Variants in NRXN1 observed in about 807,000 individuals in gnomAD.
NRXN1 encodes the protein neurexin-1.
Under a neutral mutation model 150.9 loss-of-function variants are expected in NRXN1, and 39 were observed. The ratio of observed to expected loss-of-function variants is 0.26; its 90% CI spans 0.20 to 0.34. The LOEUF (loss-of-function observed/expected upper bound fraction) is 0.34, where lower values mean the gene tolerates loss of function less well. NRXN1 is among the 10% of genes least tolerant of loss of function. The pLI is 1.00. For synonymous variants in NRXN1, 924 were observed against 757.0 expected (o/e 1.22, Z -3.62); for missense variants, 1,815 against 1,949.9 (o/e 0.93, Z 1.30).
intron 5 of NRXN1, among the ~76,000 whole-genome samples, chr2:50,813,665 T>G (rs1456253977): frequency 6.6e-6 from 1 of 152,178 alleles, no homozygotes; most frequent in East Asian, 1.9e-4. Flanking sequence ...CAGCTAGATA[T>G]GTTAAAGTAC....
At chr2:50,638,017 CT>C (rs1372462475) in intron 5 of NRXN1, among the ~76,000 whole-genome samples, 1 of 152,014 alleles carries the variant, frequency 6.6e-6, no homozygotes, top group Non-Finnish European at 1.5e-5. Context: ...AATTGTGCAT[CT>C]TTATCAGAGA....
intron 5 of NRXN1, among the ~76,000 whole-genome samples, chr2:50,784,120 G>T (rs563045004): frequency 6.6e-6 from 1 of 151,936 alleles, no homozygotes; most frequent in East Asian, 1.9e-4. Context: ...TGTATGGGTG[G>T]GTATGTATGT....
Position 50,398,564 on chromosome 2 carries a change from T to C in NRXN1, c.3364+66878A>G, listed in dbSNP as rs528014445. Among the ~76,000 whole-genome samples, 19 of 152,268 alleles carry C rather than the reference T, an allele frequency of 1.2e-4. No homozygotes were observed. In the East Asian group the frequency reaches 3.7e-3, roughly 29 times the overall value. On this transcript the variant is annotated intron_variant, in intron 17 of 22. Transcript: ENST00000401669. ...AAACAGATGCATCTTTGTGGAAATG[T>C]AAATAATTTATTATAGCAGATAAAA... is the stretch of plus-strand genomic sequence containing the variant.
At chr2:49,998,194 ACTC>A (rs899292055) in intron 21 of NRXN1, among the ~76,000 whole-genome samples, 2 of 152,110 alleles carry the variant, frequency 1.3e-5, no homozygotes, top group African/African-American at 4.8e-5. Flanking sequence ...CCTGCTCTAA[ACTC>A]TGAAAAGATG....
intron 17 of NRXN1, among the ~76,000 whole-genome samples, chr2:50,315,462 C>T (rs1452803912): frequency 6.6e-6 from 1 of 152,102 alleles, no homozygotes; most frequent in Non-Finnish European, 1.5e-5. Flanking sequence ...TTCAATCATG[C>T]TCTTTGCTCA....
chr2:50,255,980 A>G (rs2067662471), intron 17 of NRXN1, among the ~76,000 whole-genome samples: 1 of 152,168 alleles, frequency 6.6e-6, no homozygotes, highest in South Asian at 2.1e-4. Flanking sequence ...ACTTTTGGGT[A>G]GATGCTATTG....
At chr2:50,787,712 TA>T (rs77473564) in intron 5 of NRXN1, among the ~76,000 whole-genome samples, 30,171 of 143,978 alleles carry the variant, frequency 0.21, 5,342 homozygotes, top group African/African-American at 0.47. Context: ...AAACATGTAT[TA>T]AAAAAAAAAA....
chr2:50,849,247 C>G (rs1674146899), intron 5 of NRXN1, among the ~76,000 whole-genome samples: 1 of 152,186 alleles, frequency 6.6e-6, no homozygotes, highest in Admixed American at 6.5e-5. Context: ...TTGTTACTGA[C>G]CACAGGCCCT....
At chr2:50,143,417 G>C (rs371903694) in intron 18 of NRXN1, among the ~76,000 whole-genome samples, 13 of 151,982 alleles carry the variant, frequency 8.6e-5, no homozygotes, top group African/African-American at 3.1e-4. Context: ...TCATGCTATC[G>C]AGGGAATTTA....
intron 17 of NRXN1, among the ~76,000 whole-genome samples, chr2:50,343,304 C>T (rs2152994485): frequency 6.6e-6 from 1 of 152,286 alleles, no homozygotes; most frequent in South Asian, 2.1e-4. Flanking sequence ...ATTTCACTGA[C>T]ATCATTCCAT....
At chr2:50,834,908 C>G (rs571160646) in intron 5 of NRXN1, among the ~76,000 whole-genome samples, 1 of 152,134 alleles carries the variant, frequency 6.6e-6, no homozygotes, top group African/African-American at 2.4e-5. Context: ...AGCTTTAACA[C>G]TTGAATGCAG....
At chr2:50,444,987 C>A (rs533373484) in intron 17 of NRXN1, among the ~76,000 whole-genome samples, 7 of 152,132 alleles carry the variant, frequency 4.6e-5, no homozygotes, top group Non-Finnish European at 8.8e-5. Context: ...CTCATCTCAG[C>A]ATTTATAATT....
At chr2:50,008,927 A>C (rs928450568) in intron 21 of NRXN1, among the ~76,000 whole-genome samples, 2 of 152,132 alleles carry the variant, frequency 1.3e-5, no homozygotes, top group African/African-American at 4.8e-5. Flanking sequence ...TTAATTACAA[A>C]GTTTTTAAGA....
At chr2:50,329,683 T>C (rs1252959757) in intron 17 of NRXN1, among the ~76,000 whole-genome samples, 3 of 91,470 alleles carry the variant, frequency 3.3e-5, no homozygotes, top group South Asian at 4.3e-4. Flanking sequence ...ATTTTTTTTT[T>C]TCCCCCCCGA....
At chr2:50,166,121 A>T (rs1035432598) in intron 18 of NRXN1, among the ~76,000 whole-genome samples, 1 of 152,146 alleles carries the variant, frequency 6.6e-6, no homozygotes, top group African/African-American at 2.4e-5. Context: ...CCAATATGAC[A>T]CTCAAAAGAA....
At chr2:50,958,519 G>A (rs972936854) in intron 2 of NRXN1, among the ~76,000 whole-genome samples, 2 of 151,760 alleles carry the variant, frequency 1.3e-5, no homozygotes, top group African/African-American at 4.8e-5. Flanking sequence ...AGTATTTATT[G>A]ATATTTTTAT....
intron 8 of NRXN1, among the ~76,000 whole-genome samples, chr2:50,612,511 T>C (rs933051643): frequency 1.3e-5 from 2 of 152,212 alleles, no homozygotes; most frequent in African/African-American, 2.4e-5. Flanking sequence ...CCCAGGCACA[T>C]GCCTCTTGGG....
chr2:50,664,394 A>AGCGTGTGTGTGTGT, intron 5 of NRXN1, among the ~76,000 whole-genome samples: 1 of 107,194 alleles, frequency 9.3e-6, no homozygotes, highest in East Asian at 3.4e-4. Flanking sequence ...CAAAGTTTAA[A>AGCGTGTGTGTGTGT]GCGTGTGTGT....
chr2:50,632,686 G>A (rs371543879), intron 5 of NRXN1: 2 of 151,930 alleles, frequency 1.3e-5, no homozygotes, highest in African/African-American at 4.8e-5. Context: ...AGACAATTTT[G>A]TGTCTCTTGT....
Sources: allele counts gnomAD v4.1 joint callset (sites outside exome capture counted in the v4.1 genomes callset), GRCh38; gene constraint gnomAD v4.1.1; transcripts MANE v1.5; gene names NCBI Gene and HGNC (gene_info 2026-07-23, HGNC 2026-07-21).